FKBP5: variants seen among roughly 807,000 people sequenced by gnomAD.
FKBP5 encodes the protein peptidyl-prolyl cis-trans isomerase FKBP5.
In FKBP5, 23 loss-of-function variants were observed where a neutral mutation model predicts 50.5. The ratio of observed to expected loss-of-function variants is 0.46; its 90% CI spans 0.33 to 0.65. The LOEUF (loss-of-function observed/expected upper bound fraction) is 0.65, where lower values mean the gene tolerates loss of function less well. FKBP5 is among the 30% of genes least tolerant of loss of function. The pLI, the probability that FKBP5 is intolerant of heterozygous loss-of-function variation, is 0.02. For synonymous variants in FKBP5, 176 were observed against 190.6 expected (o/e 0.92, Z 0.63); for missense variants, 411 against 553.1 (o/e 0.74, Z 2.58).
intron 1 of FKBP5, among the ~76,000 whole-genome samples, chr6:35,669,743 T>A (rs535197992): frequency 5.9e-5 from 9 of 152,328 alleles, no homozygotes; most frequent in African/African-American, 2.2e-4. Context: ...GAAATATAAA[T>A]TATGTTCCAT....
rs536239083 is a variant in FKBP5 at position 35,637,535 on chromosome 6, C to T, written c.106-377G>A. Among the ~76,000 whole-genome samples the T allele has an allele frequency of 4.9e-5, 7 of 143,030 alleles. No individual in the cohort carries two copies. The East Asian group carries it at 8.3e-4, about 17-fold the overall frequency. 93.8% of individuals were successfully genotyped at this position (143,030 alleles called of 152,430 possible). A position where few individuals can be genotyped will look rare whatever the true frequency, so the allele number is the denominator to read the frequency against. On this transcript the variant is annotated intron_variant, in intron 2 of 10. Coordinates refer to ENST00000357266, the MANE Select transcript of FKBP5 (RefSeq NM_004117.4). ...CTGGAGTGCAATGGCACGATCTCGG[C>T]TCACTGCAACCTCTGCCTCCCAGGT...
At chr6:35,701,698 C>T (rs1380218023) in intron 2 of FKBP5, among the ~76,000 whole-genome samples, 1 of 151,964 alleles carries the variant, frequency 6.6e-6, no homozygotes, top group African/African-American at 2.4e-5. Context: ...CACCATGATG[C>T]CCTACTAATT....
chr6:35,618,411 C>T (rs775087179), intron 5 of FKBP5, among the ~76,000 whole-genome samples: 1 of 152,190 alleles, frequency 6.6e-6, no homozygotes, highest in African/African-American at 2.4e-5. Flanking sequence ...TGCTGTTGTC[C>T]AGGCTGAAGC....
chr6:35,667,070 C>T lies in FKBP5; in HGVS notation c.-20+21734G>A, dbSNP rs1021641186. Among the ~76,000 whole-genome samples the T allele has an allele frequency of 4.7e-5, 7 of 149,482 alleles. No homozygotes were observed. In the Admixed American group the frequency reaches 4.7e-4, roughly 10 times the overall value. ...GTGTGTGTGTGTGTATACATAGATG[C>T]ATGCCTTTTAAAAAAATCAGTTTAT... On this transcript the variant is annotated intron_variant, in intron 1 of 10. Coordinates refer to ENST00000357266, the MANE Select transcript of FKBP5 (RefSeq NM_004117.4).
At chr6:35,625,979 T>C (rs1468880897) in intron 3 of FKBP5, among the ~76,000 whole-genome samples, 9 of 151,270 alleles carry the variant, frequency 5.9e-5, no homozygotes. Flanking sequence ...TGGAGTTTCA[T>C]CGTGTTAGCC....
rs560608523 is a variant in FKBP5, at chr6:35,583,586, C to T, written c.841-3365G>A. The T allele has an allele frequency of 5.1e-6, 5 of 982,938 alleles. No homozygotes were observed. The African/African-American group carries it at 8.7e-5, about 17-fold the overall frequency. The allele number at this position is 982,938 out of a possible 1,614,324, so 60.9% of individuals were successfully genotyped here. ...CTCAACTGGGGGGTGATTTTGCCCC[C>T]CAGGGAACACCTGGCAGGTCTGGAG... On this transcript the variant is annotated intron_variant, in intron 8 of 10. Transcript: ENST00000357266.
Position 35,597,280 on chromosome 6 carries a change from C to T in FKBP5, c.633G>A (p.Arg211=), listed in dbSNP as rs1763006079. 1.9e-6 allele frequency: 3 copies of T among 1,613,960 alleles called. No homozygotes were observed. The Admixed American group carries it at 5.0e-5, about 27-fold the overall frequency. The change falls in exon 6 of 11, where the codon CGG becomes CGA. Residue 211 remains arginine (R), a synonymous_variant. Coordinates refer to ENST00000357266, the MANE Select transcript of FKBP5 (RefSeq NM_004117.4). ...GIDKALEKMQ[R]EEQCILYLGP... is the part of the protein sequence containing the mutation. ...CAAGATATAAAATACATTGTTCTTC[C>T]CGCTGCATTTTCTCCAGAGCTTTGT...
At chr6:35,691,248 G>T (rs114600081), upstream of FKBP5, among the ~76,000 whole-genome samples, 349 of 152,248 alleles carry the variant, frequency 2.3e-3, 1 homozygote, top group Middle Eastern at 0.02. Flanking sequence ...GGCAGGGAAG[G>T]CGTCATTGAA....
chr6:35,637,169 C>T lies in FKBP5; in HGVS notation c.106-11G>A. 2 of 1,601,200 alleles carry T rather than the reference C, an allele frequency of 1.2e-6. No homozygotes were observed. Among genetic ancestry groups the T allele is most frequent in the Non-Finnish European group, 8.5e-7 (1 of 1,177,298 alleles). On this transcript the variant is annotated splice_polypyrimidine_tract_variant and intron_variant, in intron 2 of 10. Coordinates refer to ENST00000357266, the MANE Select transcript of FKBP5 (RefSeq NM_004117.4). ...CACTCTTTTGACAATCTAGAAAAGA[C>T]AAACATTAAGAAAAAGGAGGTCAAA...
At chr6:35,705,247 TATATATA>T (rs1561903703) in intron 2 of FKBP5, among the ~76,000 whole-genome samples, 2 of 3,846 alleles carry the variant, frequency 5.2e-4, no homozygotes. Flanking sequence ...TATATATATA[TATATATA>T]TATATTTTTT....
At chr6:35,669,755 T>C (rs548349909) in intron 1 of FKBP5, among the ~76,000 whole-genome samples, 9 of 152,344 alleles carry the variant, frequency 5.9e-5, no homozygotes, top group African/African-American at 2.2e-4. Flanking sequence ...ATGTTCCATA[T>C]GTAAGAATTC....
intron 6 of FKBP5, among the ~76,000 whole-genome samples, chr6:35,592,993 G>A (rs1762867907): frequency 1.3e-5 from 2 of 152,186 alleles, no homozygotes; most frequent in African/African-American, 4.8e-5. Context: ...GATTAAAGAA[G>A]ACTAAAGAAA....
intron 2 of FKBP5, among the ~76,000 whole-genome samples, chr6:35,695,961 G>A (rs1226284856): frequency 6.6e-6 from 1 of 151,724 alleles, no homozygotes; most frequent in African/African-American, 2.4e-5. Context: ...TGGCTAACAC[G>A]GTGAAACCCT....
At chr6:35,596,755 C>T (rs1206228917) in intron 6 of FKBP5, among the ~76,000 whole-genome samples, 1 of 151,956 alleles carries the variant, frequency 6.6e-6, no homozygotes, top group Non-Finnish European at 1.5e-5. Flanking sequence ...AAAACTTAGA[C>T]AAAAAATGAG....
intron 1 of FKBP5, among the ~76,000 whole-genome samples, chr6:35,681,753 T>C (rs1765666377): frequency 6.6e-6 from 1 of 152,168 alleles, no homozygotes; most frequent in African/African-American, 2.4e-5. Flanking sequence ...AGATAGATAC[T>C]GCTATACACA....
chr6:35,689,314 G>T (rs889214447), upstream of FKBP5, among the ~76,000 whole-genome samples: 3 of 152,182 alleles, frequency 2.0e-5, no homozygotes, highest in Admixed American at 6.5e-5. Context: ...CCTACCTAGA[G>T]GCCGGAGAGG....
Position 35,575,531 on chromosome 6 carries a change from T to G in FKBP5, c.*304A>C, listed in dbSNP as rs947075535. ...TTGTTAGGATGATCTCCAGGGACCC[T>G]GAATTGGATACTTGAAGGTTGATAG... On this transcript the variant is annotated 3_prime_UTR_variant, in exon 11 of 11. Transcript: ENST00000357266. The G allele has an allele frequency of 6.5e-6, 2 of 305,634 alleles. No homozygotes were observed. The highest frequency in any genetic ancestry group is 4.2e-5 in the African/African-American group (2 of 48,124). The allele number at this position is 305,634 out of a possible 1,614,324, so 18.9% of individuals were successfully genotyped here. A position where few individuals can be genotyped will look rare whatever the true frequency, so the allele number is the denominator to read the frequency against.
At position 35,586,943 on chromosome 6, in the gene FKBP5, G is replaced by A. The variant is rs778848997; in HGVS notation, c.840+91C>T. The A allele has an allele frequency of 1.9e-6, 3 of 1,583,176 alleles. No homozygotes were observed. The South Asian group carries it at 3.4e-5, about 18-fold the overall frequency. ...CAGCTTATTCTTACCAAGCAGTGTT[G>A]ACAAAATTCAGAGTAGGGAATATCA... On this transcript the variant is annotated intron_variant, in intron 8 of 10. Transcript: ENST00000357266.
At chr6:35,696,173 T>C (rs1369734620) in intron 2 of FKBP5, among the ~76,000 whole-genome samples, 2 of 148,740 alleles carry the variant, frequency 1.3e-5, no homozygotes, top group Non-Finnish European at 3.0e-5. Context: ...AAGACAGTCT[T>C]TAGTGGAATG....
Sources: allele counts gnomAD v4.1 joint callset (sites outside exome capture counted in the v4.1 genomes callset), GRCh38; gene constraint gnomAD v4.1.1; transcripts MANE v1.5; gene names NCBI Gene and HGNC (gene_info 2026-07-23, HGNC 2026-07-21).